Variants in LRRC69 observed in about 807,000 individuals in gnomAD.
LRRC69 encodes the protein leucine-rich repeat-containing protein 69.
LRRC69 carries 42 observed loss-of-function variants against 37.8 expected under a neutral mutation model. The ratio of observed to expected loss-of-function variants is 1.11; its 90% CI spans 0.87 to 1.44. The LOEUF (loss-of-function observed/expected upper bound fraction) is 1.44. Among genes scored for constraint, LRRC69 ranks in the 40% most tolerant of loss-of-function variants. The pLI is 0.00. For synonymous variants in LRRC69, 141 were observed against 143.1 expected (o/e 0.99, Z 0.11); for missense variants, 357 against 401.9 (o/e 0.89, Z 0.96).
intron 1 of LRRC69, among the ~76,000 whole-genome samples, chr8:91,123,659 A>C (rs1411849295): frequency 6.6e-6 from 1 of 151,988 alleles, no homozygotes. Context: ...TTACTATTAA[A>C]ATTCTAAAGT....
At chr8:91,102,942 T>A (rs1487057067) in intron 1 of LRRC69, 98 bp downstream of exon 1, 1 of 1,143,538 alleles carries the variant, frequency 8.7e-7, no homozygotes, top group Admixed American at 3.0e-5. Context: ...CACTTCGATC[T>A]ATGGAGACTT....
At chr8:91,165,952 TA>T (rs1243797024) in intron 5 of LRRC69, among the ~76,000 whole-genome samples, 5 of 151,776 alleles carry the variant, frequency 3.3e-5, no homozygotes. Context: ...ATTTTGGTAG[TA>T]ACCTCTTTTT....
chr8:91,179,706 T>C (rs2130596497), intron 5 of LRRC69, among the ~76,000 whole-genome samples: 1 of 152,362 alleles, frequency 6.6e-6, no homozygotes, highest in African/African-American at 2.4e-5. Context: ...TTTTTTGGTA[T>C]GGATAATCAA....
chr8:91,141,132 A>G lies in LRRC69; in HGVS notation c.651+5393A>G, dbSNP rs115009600. 4.8e-3 allele frequency among the ~76,000 whole-genome samples: 732 copies of G among 152,248 alleles called. 7 individuals carry two copies. The highest frequency in any genetic ancestry group is 0.022 in the South Asian group (107 of 4,826). ...ATTTGTATCTGTCTTTCAGAGAATA[A>G]CATATCTGAAGTATGGCCTTTAGTG... On this transcript the variant is annotated intron_variant, in intron 5 of 7. Transcript: ENST00000448384.
intron 5 of LRRC69, among the ~76,000 whole-genome samples, chr8:91,175,415 C>A (rs548622715): frequency 6.6e-6 from 1 of 152,270 alleles, no homozygotes; most frequent in Admixed American, 6.5e-5. Flanking sequence ...CCACTGTAAA[C>A]TCTCCAGTCC....
At chr8:91,181,393 CT>C (rs1320627419) in intron 5 of LRRC69, among the ~76,000 whole-genome samples, 26 of 152,244 alleles carry the variant, frequency 1.7e-4, no homozygotes, top group African/African-American at 6.3e-4. Flanking sequence ...CATTCCCCTC[CT>C]AATTACTTAG....
chr8:91,160,590 A>G (rs1003525230), intron 5 of LRRC69, among the ~76,000 whole-genome samples: 1 of 151,054 alleles, frequency 6.6e-6, no homozygotes, highest in Non-Finnish European at 1.5e-5. Flanking sequence ...TTAAAAATGC[A>G]CAGCACTTCC....
chr8:91,204,976 G>A (rs561470675), intron 7 of LRRC69, among the ~76,000 whole-genome samples: 19 of 152,212 alleles, frequency 1.2e-4, no homozygotes, highest in African/African-American at 3.9e-4. Flanking sequence ...TAGAGTTGCC[G>A]ATTTTTAATA....
chr8:91,168,729 G>T (rs1809073260), intron 5 of LRRC69, among the ~76,000 whole-genome samples: 2 of 82,346 alleles, frequency 2.4e-5, no homozygotes. Flanking sequence ...GTTTTTTTGT[G>T]TTTTGTGTTT....
chr8:91,124,121 C>A (rs779041526), intron 1 of LRRC69, among the ~76,000 whole-genome samples: 5 of 151,794 alleles, frequency 3.3e-5, no homozygotes, highest in Non-Finnish European at 7.4e-5. Context: ...TAACTTAGCT[C>A]CTTTGCTGAG....
At chr8:91,159,076 C>G (rs1808889750) in intron 5 of LRRC69, among the ~76,000 whole-genome samples, 1 of 151,186 alleles carries the variant, frequency 6.6e-6, no homozygotes, top group African/African-American at 2.4e-5. Context: ...CTCCTGTGTG[C>G]TCCTCAAAGG....
chr8:91,218,705 G>A (rs1265435351), intron 7 of LRRC69, among the ~76,000 whole-genome samples, 185 bp from the exon 8 acceptor site: 2 of 152,092 alleles, frequency 1.3e-5, no homozygotes, highest in African/African-American at 4.8e-5. Context: ...TAGCATTTGA[G>A]TATGATTTTC....
intron 6 of LRRC69, among the ~76,000 whole-genome samples, chr8:91,194,926 T>C (rs529322089): frequency 0.031 from 4,779 of 152,212 alleles, 240 homozygotes; most frequent in African/African-American, 0.11. Context: ...GTTCTTTTAA[T>C]TGTGATGTTA....
downstream of LRRC69, chr8:91,219,033 C>T: frequency 8.0e-7 from 1 of 1,245,364 alleles, no homozygotes; most frequent in South Asian, 1.4e-5. Context: ...AGCCTCACTC[C>T]ACTTGCCCTG....
chr8:91,108,005 C>T (rs1234385652), intron 1 of LRRC69, among the ~76,000 whole-genome samples: 1 of 152,038 alleles, frequency 6.6e-6, no homozygotes, highest in African/African-American at 2.4e-5. Flanking sequence ...AAAGGTTCCT[C>T]ACAGGTAAAA....
intron 5 of LRRC69, among the ~76,000 whole-genome samples, chr8:91,180,519 C>A (rs1809306517): frequency 6.6e-6 from 1 of 152,180 alleles, no homozygotes; most frequent in African/African-American, 2.4e-5. Flanking sequence ...AGAAGTGAGT[C>A]ACTAAGTCCA....
At chr8:91,161,487 G>A (rs1236117726) in intron 5 of LRRC69, among the ~76,000 whole-genome samples, 1 of 151,178 alleles carries the variant, frequency 6.6e-6, no homozygotes, top group Non-Finnish European at 1.5e-5. Flanking sequence ...TTACTGATCT[G>A]TTTAGGTTTT....
intron 5 of LRRC69, among the ~76,000 whole-genome samples, chr8:91,152,536 T>A (rs536261890): frequency 1.3e-5 from 2 of 151,804 alleles, no homozygotes; most frequent in African/African-American, 4.8e-5. Flanking sequence ...TGTAGCCTTG[T>A]AGTATAGTTT....
chr8:91,189,640 T>C lies in LRRC69; in HGVS notation c.753+17T>C, dbSNP rs1809460618. 6.9e-7 allele frequency: 1 copy of C among 1,449,948 alleles called. No individual in the cohort carries two copies. Among genetic ancestry groups the C allele is most frequent in the Non-Finnish European group, 9.3e-7 (1 of 1,070,722 alleles). The allele number at this position is 1,449,948 out of a possible 1,614,324, so 89.8% of individuals were successfully genotyped here. A position where few individuals can be genotyped will look rare whatever the true frequency, so the allele number is the denominator to read the frequency against. On this transcript the variant is annotated intron_variant, in intron 6 of 7. Coordinates refer to ENST00000448384, the Ensembl canonical transcript of LRRC69. ...AGTCTACAGGTGAAGACTTACCTCA[T>C]TAACTTAAGTCTTCAAACTAAAGCC...
Sources: gnomAD v4.1 joint callset for allele counts (sites outside exome capture counted in the v4.1 genomes callset) on GRCh38, gnomAD v4.1.1 for gene constraint, MANE v1.5 for transcripts, NCBI Gene and HGNC (gene_info 2026-07-23, HGNC 2026-07-21) for gene names.